The following SPTA1 variants were observed in gnomAD, a reference collection of about 807,000 sequenced individuals.
SPTA1 encodes spectrin alpha chain, erythrocytic 1.
A neutral mutation model predicts 324.7 loss-of-function variants in SPTA1; 177 were observed. The ratio of observed to expected loss-of-function variants is 0.55; its 90% CI spans 0.48 to 0.62. The LOEUF (loss-of-function observed/expected upper bound fraction) is 0.62, where lower values mean the gene tolerates loss of function less well. Ranked by LOEUF, SPTA1 falls within the 20% of genes least tolerant of loss-of-function variation. The probability of loss-of-function intolerance (pLI) is 0.00; values close to 1 mark genes in which losing one functional copy is unlikely to be tolerated. For missense variants in SPTA1, 3,162 were observed against 2,883.6 expected (o/e 1.10, Z -2.21); for synonymous variants, 1,195 against 1,041.3 (o/e 1.15, Z -2.84).
chr1:158,643,576 G>C (rs548999858), intron 30 of SPTA1, 151 bp from the exon 31 acceptor site: 16 of 792,368 alleles, frequency 2.0e-5, no homozygotes, highest in Non-Finnish European at 2.7e-5. Flanking sequence ...AGGGAGGTGG[G>C]TTTCAACTTA....
rs756418963 is a variant in SPTA1, at chr1:158,620,197, G to T, written c.6390C>A (p.Thr2130=). ...TWLTVEVLER[T]WKHLSDIIEE... ...CAATGATGTCAGATAGGTGCTTCCA[G>T]GTCCTTTCCAGCACCTCCACTGTTA... The change falls in exon 44 of 52, where the codon ACC becomes ACA. Residue 2130 remains threonine, a synonymous_variant. Coordinates refer to ENST00000643759, the MANE Select transcript of SPTA1 (RefSeq NM_003126.4). The T allele has an allele frequency of 1.2e-6, 2 of 1,614,002 alleles. No individual in the cohort carries two copies. The highest frequency in any genetic ancestry group is 1.7e-6 in the Non-Finnish European group (2 of 1,180,024).
intron 17 of SPTA1, 123 bp from the exon 18 acceptor site, chr1:158,661,532 A>T: frequency 2.4e-6 from 3 of 1,265,550 alleles, no homozygotes; most frequent in African/African-American, 1.5e-5. Context: ...ATTGAGTAAG[A>T]TTCTTTAAAT....
intron 39 of SPTA1, among the ~76,000 whole-genome samples, chr1:158,633,267 C>T (rs1347890140): frequency 6.6e-6 from 1 of 152,154 alleles, no homozygotes; most frequent in Non-Finnish European, 1.5e-5. Context: ...GTCAATATCC[C>T]ATTTATGATA....
At chr1:158,616,160 A>G (rs1307094513) in intron 47 of SPTA1, among the ~76,000 whole-genome samples, 1 of 152,150 alleles carries the variant, frequency 6.6e-6, no homozygotes, top group African/African-American at 2.4e-5. Context: ...GGTATACAAG[A>G]CAATTTAATA....
At chr1:158,629,164 C>T (rs1650502495) in intron 39 of SPTA1, among the ~76,000 whole-genome samples, 1 of 147,592 alleles carries the variant, frequency 6.8e-6, no homozygotes, top group South Asian at 2.2e-4. Flanking sequence ...ATAGATATGT[C>T]TATCAAGAGA....
intron 36 of SPTA1, among the ~76,000 whole-genome samples, chr1:158,637,159 C>T (rs1415839756): frequency 6.6e-6 from 1 of 152,084 alleles, no homozygotes; most frequent in Non-Finnish European, 1.5e-5. Flanking sequence ...ATAAATTCAG[C>T]TAGAATGGGT....
intron 51 of SPTA1, chr1:158,612,562 A>AAAG: frequency 4.2e-6 from 2 of 477,538 alleles, no homozygotes; most frequent in Admixed American, 6.7e-5. Context: ...ATGAGGAAAA[A>AAAG]AAAAAGAAAT....
Position 158,639,998 on chromosome 1 carries a change from C to T in SPTA1, c.4747G>A (p.Glu1583Lys), listed in dbSNP as rs1212614147. Reference protein sequence around the residue: ...GNEEAMKEQLEQLKEHWDHLL... With the variant: ...GNEEAMKEQLKQLKEHWDHLL... ...TGATCCCAATGTTCCTTCAGCTGTT[C>T]CAGTTGCTCCTAACCCAAGGAGAGT... Residue 1583 changes from glutamate (E) to lysine (K), a missense_variant, in exon 34 of 52, where the codon GAA becomes AAA. Transcript: ENST00000643759. 4 of 1,613,792 alleles carry T rather than the reference C, an allele frequency of 2.5e-6. No homozygotes were observed. Among genetic ancestry groups the T allele is most frequent in the Admixed American group, 1.7e-5 (1 of 59,968 alleles).
chr1:158,641,458 T>A (rs961668224), intron 33 of SPTA1, among the ~76,000 whole-genome samples: 11 of 152,028 alleles, frequency 7.2e-5, no homozygotes, highest in African/African-American at 2.4e-4. Flanking sequence ...CCAACACATT[T>A]ACAAGAAAAA....
Position 158,676,216 on chromosome 1 carries a change from T to A in SPTA1, c.1037A>T (p.Glu346Val). ...ATGCTCCCAGCTGGAGACCAGATCT[T>A]CTTTCATCTCCTGGATCTGAGGTGC... ...SDAPQIQEMK[E>V]DLVSSWEHIR... The change falls in exon 8 of 52, where the codon GAA becomes GTA. Residue 346 changes from glutamate (E) to valine (V), a missense_variant. Glu to Val is a moderately radical substitution (Grantham distance 121). Coordinates refer to ENST00000643759, the MANE Select transcript of SPTA1 (RefSeq NM_003126.4). 1 of 1,613,810 alleles carries A rather than the reference T, an allele frequency of 6.2e-7. No homozygotes were observed. The highest frequency in any genetic ancestry group is 8.5e-7 in the Non-Finnish European group (1 of 1,179,804).
rs1297919623 is a variant in SPTA1 at position 158,611,187 on chromosome 1, C to T, written c.*77G>A. The stretch of plus-strand genomic sequence containing the variant: ...CACACGAGGCCATCTTTATCTTCCA[C>T]ATTTGCCTGTACTCTTTGCCCCCCA... On this transcript the variant is annotated 3_prime_UTR_variant, in exon 52 of 52. Coordinates refer to ENST00000643759, the MANE Select transcript of SPTA1 (RefSeq NM_003126.4). 1 of 1,539,508 alleles carries T rather than the reference C, an allele frequency of 6.5e-7. No individual in the cohort carries two copies. The highest frequency in any genetic ancestry group is 1.4e-5 in the African/African-American group (1 of 72,722).
In SPTA1 at chr1:158,683,430, G is replaced by A. The variant is rs755235350; in HGVS notation, c.331C>T (p.Leu111=). Residue 111 remains leucine, a synonymous_variant, in exon 3 of 52, where the codon CTG becomes TTG. Coordinates refer to ENST00000643759, the MANE Select transcript of SPTA1 (RefSeq NM_003126.4). ...VQTKSRLMSE[L]EKTREERFTM... is the part of the protein sequence containing the mutation. ...AATCGTTCTTCCCTTGTTTTTTCCAGTTCAGACATGAGTCTTGATTTTGTT... is the reference window on the plus strand; with the variant it reads ...AATCGTTCTTCCCTTGTTTTTTCCAATTCAGACATGAGTCTTGATTTTGTT... 5 of 1,613,240 alleles carry A rather than the reference G, an allele frequency of 3.1e-6. No homozygotes were observed. Among genetic ancestry groups the A allele is most frequent in the Non-Finnish European group, 4.2e-6 (5 of 1,179,534 alleles).
chr1:158,624,829 T>C (rs1650165861), intron 42 of SPTA1, among the ~76,000 whole-genome samples: 2 of 152,178 alleles, frequency 1.3e-5, no homozygotes. Context: ...GAATTTTCAG[T>C]AGTGACACAA....
At chr1:158,629,273 G>A (rs996555460) in intron 39 of SPTA1, among the ~76,000 whole-genome samples, 1 of 151,568 alleles carries the variant, frequency 6.6e-6, no homozygotes, top group Non-Finnish European at 1.5e-5. Context: ...GAATATAGAT[G>A]CAAAACTCCT....
chr1:158,637,970 C>T, intron 36 of SPTA1, 63 bp downstream of exon 36: 1 of 1,556,246 alleles, frequency 6.4e-7, no homozygotes, highest in Non-Finnish European at 8.8e-7. Context: ...TAAATTGGAA[C>T]AAGTTTGGTG....
At chr1:158,611,595 A>C (rs534875195) in intron 51 of SPTA1, 2 of 523,042 alleles carry the variant, frequency 3.8e-6, no homozygotes, top group Non-Finnish European at 6.7e-6. Flanking sequence ...TTCTTGAAAA[A>C]GAGAGCTTAC....
chr1:158,669,820 C>T, intron 12 of SPTA1, 34 bp from the exon 13 acceptor site: 2 of 1,604,214 alleles, frequency 1.2e-6, no homozygotes, highest in Non-Finnish European at 1.7e-6. Context: ...AATGCTTTTC[C>T]TTCAGTGACC....
At position 158,657,484 on chromosome 1, in the gene SPTA1, G is replaced by A. The variant is rs765120278; in HGVS notation, c.2798C>T (p.Ala933Val). Residue 933 changes from alanine to valine, a missense_variant, in exon 19 of 52, where the codon GCA (alanine) becomes GTA (valine). By Grantham distance (64) the Ala-to-Val change is moderately conservative (BLOSUM62 0). Coordinates refer to ENST00000643759, the MANE Select transcript of SPTA1 (RefSeq NM_003126.4). The part of the protein sequence containing the change: ...DNTNYGADEE[A>V]AGALLKKHEA... The stretch of plus-strand genomic sequence containing the variant: ...AACCCACCCCCACCTTACCCCAGCT[G>A]CTTCTTCATCAGCACCATAGTTAGT... 2 of 1,606,198 alleles carry A rather than the reference G, an allele frequency of 1.2e-6. No homozygotes were observed. Among genetic ancestry groups the A allele is most frequent in the Non-Finnish European group, 8.5e-7 (1 of 1,173,172 alleles).
Position 158,620,840 on chromosome 1 carries a change from G to GAA in SPTA1, c.6121-376_6121-375dup, listed in dbSNP as rs200959019. On this transcript the variant is annotated intron_variant, in intron 43 of 51. Transcript: ENST00000643759. ...GTTCTACCCGGCAAGTAGTAAACAT[G>GAA]AAAAAAAAAAAAAAAAAAAAAGCAT... 9.7e-3 allele frequency: 864 copies of GAA among 89,516 alleles called. 20 individuals are homozygous for GAA. The highest frequency in any genetic ancestry group is 0.036 in the African/African-American group (795 of 22,124). The allele number at this position is 89,516 out of a possible 1,614,324, so 5.5% of individuals were successfully genotyped here.
Sources: gnomAD v4.1 joint callset for allele counts (sites outside exome capture counted in the v4.1 genomes callset) on GRCh38, gnomAD v4.1.1 for gene constraint, MANE v1.5 for transcripts, NCBI Gene and HGNC (gene_info 2026-07-23, HGNC 2026-07-21) for gene names.